Variants in KIF5B observed in about 807,000 individuals in gnomAD.
KIF5B encodes the protein kinesin family member 5B.
A neutral mutation model predicts 132.8 loss-of-function variants in KIF5B; 49 were observed. The observed-to-expected ratio is 0.37, with a 90% CI of 0.29 to 0.47. The LOEUF (loss-of-function observed/expected upper bound fraction) is 0.47. KIF5B is among the 20% of genes least tolerant of loss of function. The probability of loss-of-function intolerance (pLI) is 1.00; values close to 1 mark genes in which losing one functional copy is unlikely to be tolerated. For synonymous variants in KIF5B, 355 were observed against 369.4 expected (o/e 0.96, Z 0.45); for missense variants, 780 against 1,144.0 (o/e 0.68, Z 4.59).
chr10:32,044,114 T>C (rs1841577874), intron 2 of KIF5B, among the ~76,000 whole-genome samples: 1 of 152,220 alleles, frequency 6.6e-6, no homozygotes. Flanking sequence ...TTCATATCCT[T>C]GTCCAGGACA....
Position 32,022,123 on chromosome 10 carries a change from A to G in KIF5B, c.2032+17T>C. 1 of 1,246,902 alleles carries G rather than the reference A, an allele frequency of 8.0e-7. No individual in the cohort carries two copies. The highest frequency in any genetic ancestry group is 1.2e-6 in the Non-Finnish European group (1 of 865,396). 77.2% of individuals were successfully genotyped at this position (1,246,902 alleles called of 1,614,324 possible). A position where few individuals can be genotyped will look rare whatever the true frequency, so the allele number is the denominator to read the frequency against. Reference sequence around the variant, plus strand: ...ATAAGAACACAGATGTAACTCATAAACAGTTGGAAGCTATACCTTGTGCTC... The same window carrying G: ...ATAAGAACACAGATGTAACTCATAAGCAGTTGGAAGCTATACCTTGTGCTC... On this transcript the variant is annotated intron_variant, in intron 17 of 25. Transcript: ENST00000302418.
chr10:32,036,646 T>C (rs1023131041), intron 8 of KIF5B, among the ~76,000 whole-genome samples: 11 of 152,204 alleles, frequency 7.2e-5, no homozygotes, highest in Middle Eastern at 3.2e-3. Flanking sequence ...AGAAATAGCT[T>C]AGGAGATTTC....
intron 13 of KIF5B, 57 bp from the exon 14 acceptor site, chr10:32,031,336 C>G: frequency 7.6e-7 from 1 of 1,324,148 alleles, no homozygotes; most frequent in Non-Finnish European, 1.1e-6. Flanking sequence ...TAAAAAACAC[C>G]CATGAAGCTT....
chr10:32,034,500 G>C (rs1466550625), intron 11 of KIF5B, among the ~76,000 whole-genome samples, 190 bp downstream of exon 11: 2 of 152,116 alleles, frequency 1.3e-5, no homozygotes, highest in Admixed American at 1.3e-4. Context: ...TTCTACTACT[G>C]ATGGTCTCTT....
intron 2 of KIF5B, among the ~76,000 whole-genome samples, chr10:32,043,611 G>C (rs1175428791): frequency 1.3e-5 from 2 of 152,200 alleles, no homozygotes; most frequent in East Asian, 3.8e-4. Flanking sequence ...TTATCATATA[G>C]TGGGCAATGA....
At chr10:32,021,961 A>G (rs1308560328) in intron 17 of KIF5B, among the ~76,000 whole-genome samples, 179 bp downstream of exon 17, 1 of 152,170 alleles carries the variant, frequency 6.6e-6, no homozygotes, top group African/African-American at 2.4e-5. Flanking sequence ...AACAGAGTGA[A>G]GACGCCGTCT....
intron 2 of KIF5B, among the ~76,000 whole-genome samples, chr10:32,040,930 G>C (rs1841526705): frequency 6.6e-6 from 1 of 150,906 alleles, no homozygotes; most frequent in Non-Finnish European, 1.5e-5. Flanking sequence ...GGAGGTTGCA[G>C]TGAGCCGAGA....
At chr10:32,046,617 G>A (rs982269731) in intron 2 of KIF5B, among the ~76,000 whole-genome samples, 1 of 151,928 alleles carries the variant, frequency 6.6e-6, no homozygotes, top group South Asian at 2.1e-4. Context: ...ATGGGGTCTC[G>A]CTGTTGCCCA....
At chr10:32,016,573 C>T (rs1291558214) in intron 24 of KIF5B, among the ~76,000 whole-genome samples, 1 of 152,134 alleles carries the variant, frequency 6.6e-6, no homozygotes, top group African/African-American at 2.4e-5. Flanking sequence ...TCACCCAGGC[C>T]GGAGTGCAAT....
intron 3 of KIF5B, 117 bp downstream of exon 3, chr10:32,040,267 A>G: frequency 1.4e-6 from 1 of 709,810 alleles, no homozygotes; most frequent in Non-Finnish European, 2.5e-6. Flanking sequence ...TATTATTTGT[A>G]TGAGAAAAGG....
chr10:32,053,745 T>A (rs529361210), intron 1 of KIF5B, among the ~76,000 whole-genome samples: 28 of 140,714 alleles, frequency 2.0e-4, no homozygotes, highest in Non-Finnish European at 3.7e-4. Flanking sequence ...AAAAAAAAAA[T>A]CTCAAAAAAA....
At position 32,009,854 on chromosome 10, in the gene KIF5B, T is replaced by C. The variant is rs1053229922; in HGVS notation, c.*1683A>G. 2 of 152,132 alleles carry C rather than the reference T, an allele frequency of 1.3e-5. No homozygotes were observed. The highest frequency in any genetic ancestry group is 4.8e-5 in the African/African-American group (2 of 41,430). 9.4% of individuals were successfully genotyped at this position (152,132 alleles called of 1,614,324 possible). On this transcript the variant is annotated 3_prime_UTR_variant, in exon 26 of 26. Transcript: ENST00000302418. The stretch of plus-strand genomic sequence containing the variant: ...CTGCACCAACATTTCATCTCAATTT[T>C]TGGAGTGTTTCTTCTGATCAATCCT...
chr10:32,030,503 G>GA (rs1033730100), intron 14 of KIF5B, among the ~76,000 whole-genome samples: 5 of 142,248 alleles, frequency 3.5e-5, no homozygotes, highest in Non-Finnish European at 6.1e-5. Context: ...CAACCAGAGT[G>GA]AAACTTTGTC....
chr10:32,033,756 C>T lies in KIF5B; in HGVS notation c.1305+89G>A, dbSNP rs563176563. Reference sequence around the variant, plus strand: ...GATGCATAAAGATCCTAAGTGCCCACAGCACTGAAATGAGAAAAGTTAGAA... The same window carrying T: ...GATGCATAAAGATCCTAAGTGCCCATAGCACTGAAATGAGAAAAGTTAGAA... On this transcript the variant is annotated intron_variant, in intron 12 of 25. Coordinates refer to ENST00000302418, the MANE Select transcript of KIF5B (RefSeq NM_004521.3). 1.8e-5 allele frequency: 14 copies of T among 791,458 alleles called. No individual in the cohort carries two copies. The East Asian group carries it at 3.8e-4, about 22-fold the overall frequency. 49.0% of individuals were successfully genotyped at this position (791,458 alleles called of 1,614,324 possible).
chr10:32,040,572 A>G, intron 2 of KIF5B, 115 bp from the exon 3 acceptor site: 1 of 640,328 alleles, frequency 1.6e-6, no homozygotes, highest in South Asian at 1.8e-5. Flanking sequence ...AAATTACTTA[A>G]TGTTACAGGA....
At chr10:32,025,173 A>T (rs1003945504) in intron 15 of KIF5B, among the ~76,000 whole-genome samples, 6 of 152,250 alleles carry the variant, frequency 3.9e-5, no homozygotes, top group African/African-American at 1.4e-4. Flanking sequence ...CAAGAAACTG[A>T]CAAGAGCAAA....
Position 32,015,642 on chromosome 10 carries a change from C to A in KIF5B, c.2779G>T (p.Gly927Trp), listed in dbSNP as rs757332683. The change falls in exon 25 of 26, where the codon GGG (glycine) becomes TGG (tryptophan). Residue 927 changes from glycine to tryptophan, a missense_variant. Around this residue, in one of 9 missense-constraint regions of KIF5B, gnomAD observed 90 missense variants for 101.8 expected, o/e 0.88. Transcript: ENST00000302418. The part of the protein sequence containing the change: ...SAQIAKPIRP[G>W]QHPAASPTHP... ...GTTGGAGAAGCTGCTGGATGTTGCC[C>A]GGGACGAATAGGTTTAGCTAATATG... The A allele has an allele frequency of 6.2e-7, 1 of 1,612,562 alleles. No homozygotes were observed. The highest frequency in any genetic ancestry group is 1.3e-5 in the African/African-American group (1 of 74,898).
At chr10:32,015,449 A>C in intron 25 of KIF5B, 60 bp downstream of exon 25, 1 of 1,327,054 alleles carries the variant, frequency 7.5e-7, no homozygotes, top group Non-Finnish European at 1.0e-6. Flanking sequence ...AAACCAAAAA[A>C]CCTATTTAAC....
chr10:32,029,621 A>G (rs1841376440), intron 14 of KIF5B, among the ~76,000 whole-genome samples: 1 of 152,112 alleles, frequency 6.6e-6, no homozygotes, highest in Non-Finnish European at 1.5e-5. Context: ...ATTACCAGAC[A>G]CTCTCTAACT....
Sources: allele counts gnomAD v4.1 joint callset (sites outside exome capture counted in the v4.1 genomes callset), GRCh38; gene constraint gnomAD v4.1.1; regional missense constraint gnomAD v4.1.1; transcripts MANE v1.5; gene names NCBI Gene and HGNC (gene_info 2026-07-23, HGNC 2026-07-21).